The following PAN3 variants were observed in gnomAD, a reference collection of about 807,000 sequenced individuals.
PAN3 encodes poly(A) specific ribonuclease subunit PAN3.
A neutral mutation model predicts 96.2 loss-of-function variants in PAN3; 19 were observed. That is an observed-to-expected ratio of 0.20 (90% CI 0.14 to 0.29). The LOEUF (loss-of-function observed/expected upper bound fraction) is 0.29, where lower values mean the gene tolerates loss of function less well. PAN3 is among the 10% of genes least tolerant of loss of function. The pLI is 1.00. For synonymous variants in PAN3, 433 were observed against 406.6 expected, an observed-to-expected ratio of 1.06 and a Z score of -0.78; for missense variants, 882 against 1,108.1, an observed-to-expected ratio of 0.80 and a Z score of 2.90.
chr13:28,259,625 ATTT>A (rs1389159638), intron 7 of PAN3, among the ~76,000 whole-genome samples: 1 of 151,128 alleles, frequency 6.6e-6, no homozygotes, highest in African/African-American at 2.4e-5. Flanking sequence ...TATTTTTTTA[ATTT>A]TTTATTTTAT....
intron 5 of PAN3, among the ~76,000 whole-genome samples, chr13:28,205,861 T>TAAAAA (rs369273234): frequency 7.5e-6 from 1 of 133,174 alleles, no homozygotes; most frequent in Non-Finnish European, 1.6e-5. Context: ...AACTGTTTCT[T>TAAAAA]AAAAAAAAAA....
In PAN3 at chr13:28,139,007, C is replaced by G. The variant is rs1869199136; in HGVS notation, c.350C>G (p.Pro117Arg). 7.9e-7 allele frequency: 1 copy of G among 1,273,620 alleles called. No homozygotes were observed. Among genetic ancestry groups the G allele is most frequent in the Non-Finnish European group, 9.9e-7 (1 of 1,010,328 alleles). 78.9% of individuals were successfully genotyped at this position (1,273,620 alleles called of 1,614,324 possible). A position where few individuals can be genotyped will look rare whatever the true frequency, so the allele number is the denominator to read the frequency against. ...GAGPPPGPKK[P>R]DLGDPGTGAA... ...GGGCCGCCCCCCGGGCCCAAGAAGC[C>G]GGACCTGGGGGACCCGGGGACCGGA... The change falls in exon 1 of 19, where the codon CCG becomes CGG. Residue 117 changes from proline (P) to arginine (R), a missense_variant. This residue lies in a region of PAN3 where 442 missense variants were observed against 422.8 expected (regional missense o/e 1.05). Transcript: ENST00000380958.
intron 5 of PAN3, among the ~76,000 whole-genome samples, chr13:28,213,008 A>G (rs1488877575): frequency 6.6e-6 from 1 of 152,182 alleles, no homozygotes; most frequent in Non-Finnish European, 1.5e-5. Context: ...ATCAAGGCAC[A>G]TCAAAGAAGC....
At chr13:28,224,450 CAT>C (rs1881779597) in intron 6 of PAN3, among the ~76,000 whole-genome samples, 2 of 152,162 alleles carry the variant, frequency 1.3e-5, no homozygotes, top group African/African-American at 4.8e-5. Context: ...GCTTAATTAT[CAT>C]GTGTGGGCCC....
At chr13:28,284,482 A>G (rs762700010) in intron 17 of PAN3, among the ~76,000 whole-genome samples, 3 of 151,494 alleles carry the variant, frequency 2.0e-5, no homozygotes, top group Non-Finnish European at 4.4e-5. Context: ...TTTGAATCAT[A>G]GTTAGAAAGC....
chr13:28,147,452 G>C (rs1165494084), intron 1 of PAN3, among the ~76,000 whole-genome samples: 1 of 152,142 alleles, frequency 6.6e-6, no homozygotes, highest in Non-Finnish European at 1.5e-5. Context: ...TTGTTAAGTT[G>C]AAAATGCGTT....
At chr13:28,209,801 C>T (rs1384113111) in intron 5 of PAN3, among the ~76,000 whole-genome samples, 1 of 151,986 alleles carries the variant, frequency 6.6e-6, no homozygotes, top group African/African-American at 2.4e-5. Flanking sequence ...CTTCTCCTTC[C>T]CTTTTTCCTT....
At chr13:28,145,299 A>G (rs1251191589) in intron 1 of PAN3, among the ~76,000 whole-genome samples, 2 of 151,786 alleles carry the variant, frequency 1.3e-5, no homozygotes, top group Non-Finnish European at 2.9e-5. Flanking sequence ...GCCTAACTTA[A>G]TGGTTTGGCT....
intron 5 of PAN3, among the ~76,000 whole-genome samples, chr13:28,210,574 A>G (rs548768755): frequency 6.6e-6 from 1 of 152,234 alleles, no homozygotes; most frequent in East Asian, 1.9e-4. Flanking sequence ...TAATTTTACA[A>G]TAGTCATTGT....
At chr13:28,176,129 G>A (rs1186811198) in intron 2 of PAN3, among the ~76,000 whole-genome samples, 4 of 152,178 alleles carry the variant, frequency 2.6e-5, no homozygotes, top group Non-Finnish European at 5.9e-5. Flanking sequence ...AAGGGTATTA[G>A]AGCATTTACT....
At chr13:28,269,512 GA>G in intron 12 of PAN3, among the ~76,000 whole-genome samples, 2 of 151,606 alleles carry the variant, frequency 1.3e-5, no homozygotes, top group South Asian at 4.2e-4. Context: ...TAGAAAATGA[GA>G]AGAATAGCAT....
chr13:28,260,024 T>C (rs565979265), intron 7 of PAN3, among the ~76,000 whole-genome samples: 17 of 152,290 alleles, frequency 1.1e-4, no homozygotes, highest in African/African-American at 3.8e-4. Flanking sequence ...TATTTAAAGA[T>C]TTAAAATGTA....
At chr13:28,253,660 G>C (rs1210628795) in intron 6 of PAN3, among the ~76,000 whole-genome samples, 1 of 151,334 alleles carries the variant, frequency 6.6e-6, no homozygotes, top group Non-Finnish European at 1.5e-5. Flanking sequence ...GAGCACAGTG[G>C]CTGTTCATGG....
At chr13:28,150,059 G>C (rs1388355112) in intron 1 of PAN3, among the ~76,000 whole-genome samples, 3 of 152,134 alleles carry the variant, frequency 2.0e-5, no homozygotes, top group Non-Finnish European at 4.4e-5. Flanking sequence ...TTACTCTGCT[G>C]TAATACTGAT....
At chr13:28,226,564 A>ATGCT (rs1882021493) in intron 6 of PAN3, among the ~76,000 whole-genome samples, 3 of 152,340 alleles carry the variant, frequency 2.0e-5, no homozygotes, top group Non-Finnish European at 4.4e-5. Context: ...TGTTTAATAA[A>ATGCT]TGCTTACTCA....
At chr13:28,205,816 C>T (rs1879275507) in intron 5 of PAN3, among the ~76,000 whole-genome samples, 1 of 147,716 alleles carries the variant, frequency 6.8e-6, no homozygotes, top group Non-Finnish European at 1.5e-5. Flanking sequence ...GTCTGCGTGA[C>T]AGAGCAAGAC....
intron 8 of PAN3, among the ~76,000 whole-genome samples, chr13:28,260,953 A>G (rs1481963145): frequency 1.3e-5 from 2 of 152,200 alleles, no homozygotes; most frequent in South Asian, 2.1e-4. Flanking sequence ...ATGTTTTTTA[A>G]AAGTTTTTTT....
chr13:28,181,111 T>C, intron 4 of PAN3, among the ~76,000 whole-genome samples: 1 of 152,238 alleles, frequency 6.6e-6, no homozygotes, highest in East Asian at 1.9e-4. Context: ...GTAGGAGCTT[T>C]AGTAAACTCT....
rs189522199 is a variant in PAN3, at chr13:28,154,388, G to T, written c.430+15301G>T. ...AAAATTTCTGTTTCGGGATTTTTTG[G>T]TTTTTTTTTTCTTACTATAGGCCTT... On this transcript the variant is annotated intron_variant, in intron 1 of 18. Coordinates refer to ENST00000380958, the MANE Select transcript of PAN3 (RefSeq NM_175854.8). Among the ~76,000 whole-genome samples, 659 of 149,016 alleles carry T rather than the reference G, an allele frequency of 4.4e-3. 4 individuals carry two copies. Among genetic ancestry groups the T allele is most frequent in the African/African-American group, 0.015 (610 of 40,692 alleles).
Sources: allele counts gnomAD v4.1 joint callset (sites outside exome capture counted in the v4.1 genomes callset), GRCh38; gene constraint gnomAD v4.1.1; regional missense constraint gnomAD v4.1.1; transcripts MANE v1.5; gene names NCBI Gene and HGNC (gene_info 2026-07-23, HGNC 2026-07-21).